RBFOX1: variants seen among roughly 807,000 people sequenced by gnomAD.
RBFOX1 encodes the protein RNA binding protein fox-1 homolog 1.
In RBFOX1, 8 loss-of-function variants were observed where a neutral mutation model predicts 57.7. The ratio of observed to expected loss-of-function variants is 0.14; its 90% confidence interval spans 0.08 to 0.25. The LOEUF (loss-of-function observed/expected upper bound fraction) is 0.25, where lower values mean the gene tolerates loss of function less well. Among genes scored for constraint, RBFOX1 ranks in the 10% least tolerant of loss-of-function variants. The pLI is 1.00. For missense variants in RBFOX1, 611 were observed against 548.5 expected, an observed-to-expected ratio of 1.11 and a Z score of -1.14; for synonymous variants, 326 against 222.4, an observed-to-expected ratio of 1.47 and a Z score of -4.15.
At chr16:5,847,851 A>T (rs1488576667) in intron 3 of RBFOX1, among the ~76,000 whole-genome samples, 1 of 152,110 alleles carries the variant, frequency 6.6e-6, no homozygotes, top group Non-Finnish European at 1.5e-5. Flanking sequence ...GTTCAGAATC[A>T]ACACCCAGAC....
At position 7,183,262 on chromosome 16, in the gene RBFOX1, C is replaced by T. The variant is rs189744911; in HGVS notation, c.27+131164C>T. 1.1e-3 allele frequency among the ~76,000 whole-genome samples: 163 copies of T among 152,176 alleles called. 1 individual carries two copies. The Middle Eastern group carries it at 0.014, about 13-fold the overall frequency. ...GAGAAAAAGAAGCCATGGTGAATCA[C>T]GAAAACATATTCCCCAATGACAAGT... On this transcript the variant is annotated intron_variant, in intron 4 of 15. Transcript: ENST00000550418.
chr16:7,357,480 T>C (rs1456924242), intron 4 of RBFOX1, among the ~76,000 whole-genome samples: 3 of 152,200 alleles, frequency 2.0e-5, no homozygotes, highest in Non-Finnish European at 2.9e-5. Context: ...CTCACCTTTT[T>C]GCCCTACAAC....
intron 1 of RBFOX1, among the ~76,000 whole-genome samples, chr16:6,256,180 TATATAC>T (rs375750352): frequency 9.3e-4 from 32 of 34,276 alleles, no homozygotes; most frequent in African/African-American, 2.2e-3. Context: ...TGTATATATA[TATATAC>T]GTATATATAT....
intron 4 of RBFOX1, among the ~76,000 whole-genome samples, chr16:5,948,366 G>A (rs1229520414): frequency 6.6e-6 from 1 of 152,210 alleles, no homozygotes; most frequent in Non-Finnish European, 1.5e-5. Flanking sequence ...CGTGGCTGTG[G>A]TCCAGCAGTG....
At chr16:5,243,710 G>T (rs771293343) in intron 1 of RBFOX1, among the ~76,000 whole-genome samples, 18 of 152,152 alleles carry the variant, frequency 1.2e-4, no homozygotes, top group Non-Finnish European at 2.4e-4. Context: ...GGGTGACAGT[G>T]TTGAGCTTGG....
chr16:7,613,677 G>T lies in RBFOX1; in HGVS notation c.676+6339G>T, dbSNP rs572686270. ...CTAGAGTGAACCATGATTCATCTCAGAATTGGGTCAAAAGAAGGTCTATGA... is the reference window on the plus strand; with the variant it reads ...CTAGAGTGAACCATGATTCATCTCATAATTGGGTCAAAAGAAGGTCTATGA... On this transcript the variant is annotated intron_variant, in intron 10 of 15. Transcript: ENST00000550418. Among the ~76,000 whole-genome samples the T allele has an allele frequency of 3.9e-5, 6 of 152,194 alleles. No individual in the cohort carries two copies. In the South Asian group the frequency reaches 1.2e-3, roughly 32 times the overall value.
At chr16:7,340,602 A>T (rs757539274) in intron 4 of RBFOX1, among the ~76,000 whole-genome samples, 10 of 152,196 alleles carry the variant, frequency 6.6e-5, no homozygotes, top group Non-Finnish European at 1.3e-4. Context: ...TCAGTGCAAG[A>T]TTGTGTTTCT....
At chr16:7,320,306 C>G (rs1351653538) in intron 4 of RBFOX1, among the ~76,000 whole-genome samples, 3 of 152,118 alleles carry the variant, frequency 2.0e-5, no homozygotes, top group Admixed American at 6.5e-5. Flanking sequence ...TCAGCTCCCA[C>G]TTGTGAGTGA....
chr16:6,396,958 GGA>G (rs2092863420), intron 2 of RBFOX1, among the ~76,000 whole-genome samples: 1 of 151,874 alleles, frequency 6.6e-6, no homozygotes, highest in Non-Finnish European at 1.5e-5. Context: ...AGGAGAATGG[GGA>G]CAGCACAACA....
intron 2 of RBFOX1, among the ~76,000 whole-genome samples, chr16:6,324,278 A>G (rs981693886): frequency 2.6e-5 from 4 of 152,124 alleles, no homozygotes; most frequent in African/African-American, 4.8e-5. Context: ...TTTCCTGATT[A>G]CAATACTGAT....
At chr16:6,036,845 A>G (rs935981660) in intron 1 of RBFOX1, among the ~76,000 whole-genome samples, 2 of 152,252 alleles carry the variant, frequency 1.3e-5, no homozygotes, top group Non-Finnish European at 2.9e-5. Flanking sequence ...TCACATTCTC[A>G]AAGTGCTATA....
At chr16:6,423,364 C>G (rs1037593538) in intron 2 of RBFOX1, among the ~76,000 whole-genome samples, 1 of 152,048 alleles carries the variant, frequency 6.6e-6, no homozygotes, top group Non-Finnish European at 1.5e-5. Context: ...TTTGGGAGGC[C>G]GAGGCAGGCA....
intron 2 of RBFOX1, among the ~76,000 whole-genome samples, chr16:5,547,931 G>A (rs2045283571): frequency 1.3e-5 from 2 of 151,802 alleles, no homozygotes; most frequent in South Asian, 4.2e-4. Context: ...AGGCTAAGGT[G>A]GGCAGATCCC....
chr16:7,512,029 T>G (rs1034385120), intron 4 of RBFOX1, among the ~76,000 whole-genome samples: 1 of 152,198 alleles, frequency 6.6e-6, no homozygotes, highest in Non-Finnish European at 1.5e-5. Context: ...ATCATCCTGC[T>G]CATCAACTAG....
At chr16:5,791,659 C>T (rs1478885880) in intron 3 of RBFOX1, among the ~76,000 whole-genome samples, 1 of 152,104 alleles carries the variant, frequency 6.6e-6, no homozygotes, top group Admixed American at 6.5e-5. Context: ...GAGCTGAATG[C>T]AAATTCACAT....
intron 10 of RBFOX1, among the ~76,000 whole-genome samples, chr16:7,616,438 C>A (rs899749568): frequency 6.6e-6 from 1 of 152,242 alleles, no homozygotes; most frequent in African/African-American, 2.4e-5. Flanking sequence ...GCATGACTGA[C>A]CAACTCTCAA....
chr16:5,712,471 C>T (rs906758276), intron 3 of RBFOX1, among the ~76,000 whole-genome samples: 5 of 152,338 alleles, frequency 3.3e-5, no homozygotes, highest in African/African-American at 7.2e-5. Flanking sequence ...GGCTTTCACG[C>T]ATGCTGATGA....
chr16:6,921,043 A>G (rs2074340843), intron 3 of RBFOX1, among the ~76,000 whole-genome samples: 1 of 152,152 alleles, frequency 6.6e-6, no homozygotes, highest in African/African-American at 2.4e-5. Context: ...GGTGAAGCCC[A>G]CAGACTATGG....
chr16:6,949,514 G>C (rs139396403), intron 3 of RBFOX1, among the ~76,000 whole-genome samples: 5 of 152,302 alleles, frequency 3.3e-5, no homozygotes, highest in East Asian at 3.9e-4. Flanking sequence ...GGCAGGGTCT[G>C]TTTCTTCTTG....
Sources: allele counts gnomAD v4.1 joint callset (sites outside exome capture counted in the v4.1 genomes callset), GRCh38; gene constraint gnomAD v4.1.1; transcripts MANE v1.5; gene names NCBI Gene and HGNC (gene_info 2026-07-23, HGNC 2026-07-21).